MLIP: variants seen among roughly 807,000 people sequenced by gnomAD.
MLIP encodes the protein muscular LMNA interacting protein.
Under a neutral mutation model 84.8 loss-of-function variants are expected in MLIP, and 79 were observed. The observed-to-expected ratio is 0.93, with a 90% CI of 0.78 to 1.12. MLIP has a LOEUF of 1.12. Ranked by LOEUF, MLIP falls within the 50% of genes most tolerant of loss-of-function variation. The probability of loss-of-function intolerance (pLI) is 0.00; values close to 1 mark genes in which losing one functional copy is unlikely to be tolerated. For missense variants in MLIP, 1,257 were observed against 1,160.6 expected (o/e 1.08, Z -1.21); for synonymous variants, 504 against 463.0 (o/e 1.09, Z -1.14).
rs948168620 is a variant in MLIP at position 54,038,548 on chromosome 6, T to C, written c.63+19457T>C. On this transcript the variant is annotated intron_variant, in intron 1 of 12. Coordinates refer to the MLIP transcript ENST00000274897. ...ATTCAATTTATTAAAAGCTCTGTTC[T>C]TTTGAGATTATATCATTCCTCATTT... Among the ~76,000 whole-genome samples the C allele has an allele frequency of 2.0e-5, 3 of 151,830 alleles. 1 individual carries two copies. In the South Asian group the frequency reaches 6.2e-4, roughly 31 times the overall value.
At chr6:54,046,164 C>T (rs1432518509) in intron 1 of MLIP, 1 of 151,996 alleles carries the variant, frequency 6.6e-6, no homozygotes, top group Non-Finnish European at 1.5e-5. Context: ...TATCTCTTTT[C>T]CCCCAAGAGT....
intron 11 of MLIP, among the ~76,000 whole-genome samples, chr6:54,211,886 C>T (rs534893130): frequency 8.6e-4 from 131 of 152,310 alleles, no homozygotes; most frequent in South Asian, 4.1e-3. Context: ...TACTTTATCC[C>T]TGCCAAGGGC....
At chr6:54,181,147 G>A (rs140246782) in intron 9 of MLIP, among the ~76,000 whole-genome samples, 173 of 152,118 alleles carry the variant, frequency 1.1e-3, no homozygotes, top group Non-Finnish European at 1.8e-3. Context: ...TGGGAGACAG[G>A]GTTTAGAGTC....
chr6:54,149,389 T>A (rs1453341541), intron 5 of MLIP, among the ~76,000 whole-genome samples: 1 of 152,190 alleles, frequency 6.6e-6, no homozygotes, highest in Non-Finnish European at 1.5e-5. Flanking sequence ...GATTCAGATT[T>A]GGATAGATCT....
chr6:54,153,516 A>G (rs1358089847), intron 5 of MLIP, among the ~76,000 whole-genome samples: 3 of 152,100 alleles, frequency 2.0e-5, no homozygotes, highest in Non-Finnish European at 2.9e-5. Flanking sequence ...CTCCAATCTT[A>G]TTAAAGATAT....
At chr6:54,068,034 T>TC (rs1432857776) in intron 1 of MLIP, among the ~76,000 whole-genome samples, 1 of 46,266 alleles carries the variant, frequency 2.2e-5, no homozygotes, top group African/African-American at 4.3e-5. Context: ...CTTCCTTCCT[T>TC]TTTTCTTTCC....
intron 12 of MLIP, among the ~76,000 whole-genome samples, chr6:54,240,238 A>AT (rs1483878836): frequency 1.3e-5 from 2 of 152,210 alleles, no homozygotes; most frequent in African/African-American, 2.4e-5. Context: ...AGCTTTATAC[A>AT]TTTTTTAGCA....
chr6:54,086,346 T>C (rs147574154), intron 1 of MLIP, among the ~76,000 whole-genome samples: 255 of 152,324 alleles, frequency 1.7e-3, no homozygotes, highest in African/African-American at 5.8e-3. Context: ...GTGTCCACAA[T>C]TGAACAGTGG....
Position 54,179,319 on chromosome 6 carries a change from C to G in MLIP, c.2544+9747C>G, listed in dbSNP as rs532545245. 2.3e-4 allele frequency among the ~76,000 whole-genome samples: 35 copies of G among 152,188 alleles called. 1 individual carries two copies. In the South Asian group the frequency reaches 6.6e-3, roughly 29 times the overall value. ...ATAGGCTAAGTGTGTTTCCTGTAGG[C>G]AACAGGTGATTGGGTTGTTTTTCAT... On this transcript the variant is annotated intron_variant, in intron 9 of 13. Transcript: ENST00000502396.
intron 9 of MLIP, among the ~76,000 whole-genome samples, chr6:54,185,922 C>T (rs1251998179): frequency 6.6e-6 from 1 of 152,120 alleles, no homozygotes; most frequent in East Asian, 1.9e-4. Context: ...TTTTCCTAAA[C>T]CTCAGTGCAC....
chr6:54,136,032 A>T (rs916582168), intron 3 of MLIP, among the ~76,000 whole-genome samples: 2 of 152,150 alleles, frequency 1.3e-5, no homozygotes, highest in Non-Finnish European at 2.9e-5. Flanking sequence ...TTCCAGCATG[A>T]CCCAAATCAT....
rs116454363 is a variant in MLIP at position 54,218,392 on chromosome 6, G to C, written c.2719-12322G>C. ...ATAAAAAATAAAAGAAGGAACACCTGTATAGTGCACTTACCATGAATGGAG... is the reference window on the plus strand; with the variant it reads ...ATAAAAAATAAAAGAAGGAACACCTCTATAGTGCACTTACCATGAATGGAG... On this transcript the variant is annotated intron_variant, in intron 11 of 13. Coordinates refer to ENST00000502396, the MANE Select transcript of MLIP (RefSeq NM_001281747.2). 8.2e-3 allele frequency among the ~76,000 whole-genome samples: 1,244 copies of C among 152,316 alleles called. 19 individuals are homozygous for C. The highest frequency in any genetic ancestry group is 0.028 in the African/African-American group (1,164 of 41,572).
intron 1 of MLIP, 61 bp from the exon 2 acceptor site, chr6:54,121,386 G>A: frequency 2.6e-6 from 4 of 1,534,590 alleles, no homozygotes; most frequent in Non-Finnish European, 3.6e-6. Context: ...GTCATATGGA[G>A]AATAAAGGCA....
intron 12 of MLIP, among the ~76,000 whole-genome samples, chr6:54,254,223 T>C (rs1224135680): frequency 6.7e-6 from 1 of 150,322 alleles, no homozygotes; most frequent in African/African-American, 2.5e-5. Context: ...ACCTCCCGGG[T>C]TCAAGCAATT....
chr6:54,133,880 G>C (rs963579412), intron 3 of MLIP, among the ~76,000 whole-genome samples: 1 of 152,110 alleles, frequency 6.6e-6, no homozygotes, highest in Non-Finnish European at 1.5e-5. Context: ...GAGAGTGTAT[G>C]GCAAGGGGGG....
intron 1 of MLIP, among the ~76,000 whole-genome samples, chr6:54,078,858 A>C (rs1766965526): frequency 6.6e-6 from 1 of 151,676 alleles, no homozygotes; most frequent in Admixed American, 6.6e-5. Context: ...CATGCAGCTA[A>C]TTTTTGCATT....
intron 9 of MLIP, among the ~76,000 whole-genome samples, chr6:54,177,882 A>C (rs1776456560): frequency 6.6e-6 from 1 of 152,156 alleles, no homozygotes; most frequent in Admixed American, 6.5e-5. Context: ...GAAAAAGATC[A>C]TGTCTTTTGC....
intron 1 of MLIP, among the ~76,000 whole-genome samples, chr6:54,077,774 C>T (rs1172296372): frequency 6.6e-6 from 1 of 152,162 alleles, no homozygotes; most frequent in Non-Finnish European, 1.5e-5. Flanking sequence ...CAAGCAAATT[C>T]TTTAAGAAGC....
intron 1 of MLIP, among the ~76,000 whole-genome samples, chr6:54,061,829 A>G (rs1234922633): frequency 6.6e-6 from 1 of 152,208 alleles, no homozygotes; most frequent in African/African-American, 2.4e-5. Context: ...AAATCTCAGC[A>G]TGGGTGGGAA....
Sources: gnomAD v4.1 joint callset for allele counts (sites outside exome capture counted in the v4.1 genomes callset) on GRCh38, gnomAD v4.1.1 for gene constraint, MANE v1.5 for transcripts, NCBI Gene and HGNC (gene_info 2026-07-23, HGNC 2026-07-21) for gene names.